The following LMO4 variants were observed in gnomAD, a reference collection of about 807,000 sequenced individuals.
LMO4 encodes LIM domain only 4.
A neutral mutation model predicts 18.5 loss-of-function variants in LMO4; 3 were observed. The ratio of observed to expected loss-of-function variants is 0.16; its 90% confidence interval spans 0.07 to 0.42. The LOEUF (loss-of-function observed/expected upper bound fraction) is 0.42, where lower values mean the gene tolerates loss of function less well. Among genes scored for constraint, LMO4 ranks in the 10% least tolerant of loss-of-function variants. The pLI is 0.99. For synonymous variants in LMO4, 100 were observed against 88.1 expected, an observed-to-expected ratio of 1.14 and a Z score of -0.76; for missense variants, 121 against 219.9, an observed-to-expected ratio of 0.55 and a Z score of 2.84.
chr1:87,339,210 CCA>C (rs1158442989), intron 2 of LMO4, among the ~76,000 whole-genome samples: 1 of 150,232 alleles, frequency 6.7e-6, no homozygotes, highest in Non-Finnish European at 1.5e-5. Flanking sequence ...CATTTAAACT[CCA>C]GTCATGAATT....
intron 4 of LMO4, among the ~76,000 whole-genome samples, chr1:87,342,602 C>A (rs146702620): frequency 0.012 from 1,755 of 152,214 alleles, 25 homozygotes; most frequent in Non-Finnish European, 0.015. Context: ...TGGAAATGTT[C>A]TTGTCAGACA....
chr1:87,333,450 G>A (rs887432158), intron 2 of LMO4, among the ~76,000 whole-genome samples: 2 of 152,126 alleles, frequency 1.3e-5, no homozygotes, highest in African/African-American at 2.4e-5. Flanking sequence ...TAAATCAGTG[G>A]ATGAACTATT....
In LMO4 at chr1:87,347,365, T is replaced by G. The variant is rs1335764342; in HGVS notation, c.*2569T>G. ...TAAAACCCGGCTCTAATGGGGATGC[T>G]CTGTGTGGATAGAAAGCTACTAAAA... On this transcript the variant is annotated 3_prime_UTR_variant, in exon 5 of 5. Coordinates refer to ENST00000370544, the MANE Select transcript of LMO4 (RefSeq NM_006769.4). 6.6e-6 allele frequency: 1 copy of G among 152,122 alleles called. No individual in the cohort carries two copies. The highest frequency in any genetic ancestry group is 6.6e-5 in the Admixed American group (1 of 15,262). 9.4% of individuals were successfully genotyped at this position (152,122 alleles called of 1,614,324 possible).
chr1:87,331,784 G>A, intron 1 of LMO4: 1 of 557,406 alleles, frequency 1.8e-6, no homozygotes, highest in Non-Finnish European at 3.2e-6. Flanking sequence ...GTTGAGAGGA[G>A]CTCGTGGCCC....
intron 2 of LMO4, among the ~76,000 whole-genome samples, chr1:87,333,274 A>G (rs980764554): frequency 5.3e-5 from 8 of 152,148 alleles, no homozygotes; most frequent in Non-Finnish European, 1.0e-4. Context: ...GAATGCTTCT[A>G]GGAGGTGTTC....
Position 87,329,214 on chromosome 1 carries a change from C to G in LMO4, c.-34C>G, listed in dbSNP as rs1041518750. 1 of 152,380 alleles carries G rather than the reference C, an allele frequency of 6.6e-6. No individual in the cohort carries two copies. Among genetic ancestry groups the G allele is most frequent in the Non-Finnish European group, 1.5e-5 (1 of 68,094 alleles). 9.4% of individuals were successfully genotyped at this position (152,380 alleles called of 1,614,324 possible). ...CGCTCGCATTTCACCGCCGCCGCCT[C>G]TCGCAATATTGCAATATAGGGGAAA... On this transcript the variant is annotated 5_prime_UTR_variant, in exon 1 of 5. Transcript: ENST00000370544.
intron 1 of LMO4, 192 bp from the exon 2 acceptor site, chr1:87,331,821 A>C (rs1010862597): frequency 5.1e-6 from 3 of 584,726 alleles, no homozygotes; most frequent in African/African-American, 3.7e-5. Flanking sequence ...AAAAGTAAAC[A>C]GGCGGCTGCT....
In LMO4 at chr1:87,333,942, CAAAAAAA is replaced by C. The variant is rs78559370; in HGVS notation, c.236+1698_236+1704del. ...GATTCATCTCTTCTCCGAGTGCCTT[CAAAAAAA>C]AAAAAACAAAAAACAAAAAAAACCC... On this transcript the variant is annotated intron_variant, in intron 2 of 4. Transcript: ENST00000370544. Among the ~76,000 whole-genome samples the C allele has an allele frequency of 7.3e-5, 8 of 109,972 alleles. No homozygotes were observed. The East Asian group carries it at 7.9e-4, about 11-fold the overall frequency. The allele number at this position is 109,972 out of a possible 152,430, so 72.1% of individuals were successfully genotyped here.
intron 1 of LMO4, among the ~76,000 whole-genome samples, chr1:87,330,004 C>A (rs1048409070): frequency 7.9e-6 from 1 of 127,224 alleles, no homozygotes; most frequent in Non-Finnish European, 1.7e-5. Flanking sequence ...TAAAAGCTTT[C>A]TTTTTTTTTT....
Position 87,348,109 on chromosome 1 carries a change from T to C in LMO4, c.*3313T>C, listed in dbSNP as rs1163762787. 6.6e-6 allele frequency: 1 copy of C among 152,404 alleles called. No individual in the cohort carries two copies. Among genetic ancestry groups the C allele is most frequent in the Non-Finnish European group, 1.5e-5 (1 of 68,180 alleles). 9.4% of individuals were successfully genotyped at this position (152,404 alleles called of 1,614,324 possible). A position where few individuals can be genotyped will look rare whatever the true frequency, so the allele number is the denominator to read the frequency against. Reference sequence around the variant, plus strand: ...ATAGTAAGATTCTAATGTGCACTACTATTTATATAAAATATTTCTTAGGGC... The same window carrying C: ...ATAGTAAGATTCTAATGTGCACTACCATTTATATAAAATATTTCTTAGGGC... On this transcript the variant is annotated 3_prime_UTR_variant, in exon 5 of 5. Coordinates refer to ENST00000370544, the MANE Select transcript of LMO4 (RefSeq NM_006769.4).
chr1:87,330,948 C>T (rs1650120574), intron 1 of LMO4, among the ~76,000 whole-genome samples: 1 of 149,268 alleles, frequency 6.7e-6, no homozygotes, highest in Non-Finnish European at 1.5e-5. Flanking sequence ...TTGTGGCATT[C>T]ATTAGAGTGG....
In LMO4 at chr1:87,339,642, G is replaced by C; in HGVS notation, c.333+10G>C. ...TGTGTATCATCTTAAGGTAGTATTTGCATCTCTCTTTTTTTTTTAAAAAAA... is the reference window on the plus strand; with the variant it reads ...TGTGTATCATCTTAAGGTAGTATTTCCATCTCTCTTTTTTTTTTAAAAAAA... On this transcript the variant is annotated intron_variant, in intron 3 of 4. Coordinates refer to ENST00000370544, the MANE Select transcript of LMO4 (RefSeq NM_006769.4). 1.3e-6 allele frequency: 2 copies of C among 1,558,946 alleles called. No homozygotes were observed. The highest frequency in any genetic ancestry group is 1.8e-6 in the Non-Finnish European group (2 of 1,135,074).
Position 87,339,516 on chromosome 1 carries a change from A to AC in LMO4, c.237-18dup. 6.3e-7 allele frequency: 1 copy of AC among 1,584,110 alleles called. No homozygotes were observed. The highest frequency in any genetic ancestry group is 8.7e-7 in the Non-Finnish European group (1 of 1,152,972). ...GGTTTAGGATTATTCACTGGTGTCA[A>AC]CCGTTATTCTTTGTTTCAGGTTATT... On this transcript the variant is annotated intron_variant, in intron 2 of 4. Coordinates refer to ENST00000370544, the MANE Select transcript of LMO4 (RefSeq NM_006769.4).
At chr1:87,339,693 G>T in intron 3 of LMO4, 61 bp downstream of exon 3, 1 of 1,042,264 alleles carries the variant, frequency 9.6e-7, no homozygotes, top group East Asian at 2.6e-5. Context: ...TACCTACATG[G>T]GGGCAAAGCA....
chr1:87,331,620 T>A (rs1650149783), intron 1 of LMO4: 1 of 207,830 alleles, frequency 4.8e-6, no homozygotes, highest in Non-Finnish European at 9.4e-6. Flanking sequence ...CCTCATTTGC[T>A]GGAGGCGGGC....
intron 2 of LMO4, among the ~76,000 whole-genome samples, chr1:87,332,491 A>T (rs1375061055): frequency 6.6e-6 from 1 of 152,266 alleles, no homozygotes; most frequent in East Asian, 1.9e-4. Context: ...CTGGGTCATT[A>T]GATGTGCAAA....
rs1382633992 is a variant in LMO4 at position 87,347,894 on chromosome 1, A to G, written c.*3098A>G. 6.6e-6 allele frequency: 1 copy of G among 152,242 alleles called. No homozygotes were observed. Among genetic ancestry groups the G allele is most frequent in the African/African-American group, 2.4e-5 (1 of 41,458 alleles). The allele number at this position is 152,242 out of a possible 1,614,324, so 9.4% of individuals were successfully genotyped here. ...AGCTCTTCATGATTTATTAGGAAATAGTTTAACCCGGACTGTAGTGTCTTA... is the reference window on the plus strand; with the variant it reads ...AGCTCTTCATGATTTATTAGGAAATGGTTTAACCCGGACTGTAGTGTCTTA... On this transcript the variant is annotated 3_prime_UTR_variant, in exon 5 of 5. Coordinates refer to ENST00000370544, the MANE Select transcript of LMO4 (RefSeq NM_006769.4).
At chr1:87,339,715 T>C (rs1384563597) in intron 3 of LMO4, 83 bp downstream of exon 3, 1 of 867,748 alleles carries the variant, frequency 1.2e-6, no homozygotes, top group African/African-American at 1.7e-5. Context: ...TTCTCCTTGG[T>C]ATGAACTGTT....
intron 2 of LMO4, among the ~76,000 whole-genome samples, chr1:87,335,517 C>G (rs1650282049): frequency 6.6e-6 from 1 of 151,982 alleles, no homozygotes; most frequent in African/African-American, 2.4e-5. Context: ...TCCCCGGGCT[C>G]CACTCGGGCG....
Sources: allele counts gnomAD v4.1 joint callset (sites outside exome capture counted in the v4.1 genomes callset), GRCh38; gene constraint gnomAD v4.1.1; transcripts MANE v1.5; gene names NCBI Gene and HGNC (gene_info 2026-07-23, HGNC 2026-07-21).